SNURF: variants seen among roughly 807,000 people sequenced by gnomAD.
The protein encoded by SNURF is SNURF protein.
A neutral mutation model predicts 11.6 loss-of-function variants in SNURF; 6 were observed. That is an observed-to-expected ratio of 0.52 (90% CI 0.28 to 1.02). The LOEUF is 1.02. Among genes scored for constraint, SNURF ranks in the 50% least tolerant of loss-of-function variants. The pLI is 0.09. For synonymous variants in SNURF, 29 were observed against 31.6 expected (o/e 0.92, Z 0.27); for missense variants, 84 against 88.4 (o/e 0.95, Z 0.20).
At chr15:24,976,994 G>A in exon 6 of SNURF, 1 of 1,597,338 alleles carries the variant, frequency 6.3e-7, no homozygotes, top group Non-Finnish European at 8.5e-7. Flanking sequence ...TGGATTGGCA[G>A]GCCCTGTCCG....
intron 2 of SNURF, among the ~76,000 whole-genome samples, chr15:24,966,567 T>C (rs2075673265): frequency 6.6e-6 from 1 of 152,138 alleles, no homozygotes; most frequent in Non-Finnish European, 1.5e-5. Flanking sequence ...TGATCTTTTG[T>C]GGCCTGGTTA....
At chr15:24,969,131 T>C (rs2076071705), downstream of SNURF, among the ~76,000 whole-genome samples, 1 of 152,086 alleles carries the variant, frequency 6.6e-6, no homozygotes, top group Non-Finnish European at 1.5e-5. Context: ...GAGTTATTAA[T>C]TAATTTATTT....
chr15:24,958,486 GTTTTTTTTTTT>G lies in SNURF; in HGVS notation c.14+3448_14+3458del, dbSNP rs71127030. ...ATTTCTGGATGCTAGCTGGCTCAAAGTTTTTTTTTTTTTTTTTTTTTTTTTTTTTTTTTTAA... is the reference window on the plus strand; with the variant it reads ...ATTTCTGGATGCTAGCTGGCTCAAAGTTTTTTTTTTTTTTTTTTTTTTTAA... On this transcript the variant is annotated intron_variant, in intron 1 of 2. Coordinates refer to ENST00000577949, the Ensembl canonical transcript of SNURF. Among the ~76,000 whole-genome samples the G allele has an allele frequency of 9.8e-4, 64 of 65,302 alleles. 1 individual carries two copies. Among genetic ancestry groups the G allele is most frequent in the South Asian group, 4.0e-3 (4 of 992 alleles). 42.8% of individuals were successfully genotyped at this position (65,302 alleles called of 152,430 possible). A position where few individuals can be genotyped will look rare whatever the true frequency, so the allele number is the denominator to read the frequency against.
intron 1 of SNURF, among the ~76,000 whole-genome samples, chr15:24,955,886 T>C (rs1471178448): frequency 6.6e-6 from 1 of 151,606 alleles, no homozygotes; most frequent in African/African-American, 2.4e-5. Context: ...GGCCTGTCGC[T>C]GTCCGGAGTG....
intron 2 of SNURF, among the ~76,000 whole-genome samples, chr15:24,964,499 G>A (rs943495804): frequency 1.3e-5 from 2 of 151,996 alleles, no homozygotes; most frequent in Admixed American, 1.3e-4. Context: ...TCTCCATGTT[G>A]GTCAGGCTGG....
exon 1 of SNURF, chr15:24,954,998 C>T (rs1040207732): frequency 9.9e-6 from 16 of 1,609,982 alleles, no homozygotes; most frequent in Non-Finnish European, 1.4e-5. Flanking sequence ...CAGAGTGGAG[C>T]GGCCGCCGGA....
chr15:24,974,525 G>A (rs1357529541), intron 3 of SNURF: 2 of 1,442,642 alleles, frequency 1.4e-6, no homozygotes, highest in Non-Finnish European at 2.0e-6. Context: ...TTGCCAGCAT[G>A]TGCAGTGATC....
rs1346968155 is a variant in SNURF, at chr15:24,955,406, C to T, written c.14+344C>T. Among the ~76,000 whole-genome samples the T allele has an allele frequency of 4.0e-5, 6 of 151,876 alleles. No homozygotes were observed. In the South Asian group the frequency reaches 1.3e-3, roughly 32 times the overall value. On this transcript the variant is annotated intron_variant, in intron 1 of 2. Coordinates refer to ENST00000577949, the Ensembl canonical transcript of SNURF. ...CAAGGGACATGGGTGGAGGTGGGTA[C>T]ATCAGGGTGATTGCAGTTCCGTGTG...
intron 1 of SNURF, among the ~76,000 whole-genome samples, chr15:24,961,498 C>T (rs2074803155): frequency 6.6e-6 from 1 of 152,030 alleles, no homozygotes; most frequent in South Asian, 2.1e-4. Context: ...ATGTTCTGTT[C>T]CCTTGAGCAG....
Position 24,962,207 on chromosome 15 carries a change from A to G in SNURF, c.108A>G (p.Gln36=), listed in dbSNP as rs376718476. ...GAAGGACTGCCTCACTGAGCAACCA[A>G]GAGTGAGTACAGACTGTGTTGGGAA... Residue 36 remains glutamine (Q), a splice_region_variant and synonymous_variant, in exon 2 of 3, where the codon CAA becomes CAG. Transcript: ENST00000577949. The G allele has an allele frequency of 5.0e-6, 8 of 1,613,054 alleles. No individual in the cohort carries two copies. The African/African-American group carries it at 9.3e-5, about 19-fold the overall frequency.
intron 6 of SNURF, among the ~76,000 whole-genome samples, chr15:24,977,257 A>G (rs2077164916): frequency 6.6e-6 from 1 of 152,172 alleles, no homozygotes; most frequent in African/African-American, 2.4e-5. Flanking sequence ...ACTTGCCACT[A>G]GTGGTGAGTG....
At chr15:24,972,797 AT>A (rs34096716), downstream of SNURF, among the ~76,000 whole-genome samples, 65,680 of 151,902 alleles carry the variant, frequency 0.43, 15,536 homozygotes, top group African/African-American at 0.63. Flanking sequence ...CATGAGCTGC[AT>A]TAACAATTCC....
intron 1 of SNURF, among the ~76,000 whole-genome samples, chr15:24,956,578 AGTGGGGCGAGAC>A (rs555314066): frequency 1.3e-5 from 2 of 152,188 alleles, no homozygotes; most frequent in Non-Finnish European, 2.9e-5. Context: ...CTCCGCTTGC[AGTGGGGCGAGAC>A]GTGGGGCAGG....
chr15:24,964,840 G>T (rs764936357), intron 2 of SNURF, among the ~76,000 whole-genome samples: 1 of 152,110 alleles, frequency 6.6e-6, no homozygotes, highest in African/African-American at 2.4e-5. Context: ...GTGGGATGAC[G>T]TTAGCCTTCT....
exon 3 of SNURF, chr15:24,968,255 A>G (rs1566966923): frequency 1.9e-6 from 1 of 519,560 alleles, no homozygotes; most frequent in African/African-American, 1.9e-5. Flanking sequence ...CTGCCCTGAC[A>G]CTTTCGTCAT....
chr15:24,964,794 G>C (rs1186032086), intron 2 of SNURF, among the ~76,000 whole-genome samples: 1 of 152,052 alleles, frequency 6.6e-6, no homozygotes, highest in Non-Finnish European at 1.5e-5. Context: ...ACCTCAGTGT[G>C]GACTAAATAA....
chr15:24,957,659 T>C lies in SNURF; in HGVS notation c.14+2597T>C, dbSNP rs560655188. On this transcript the variant is annotated intron_variant, in intron 1 of 2. Transcript: ENST00000577949. ...TAAATCTACGAAGCCCGAAAAGCCT[T>C]GTTCTGGAATAATCTATTTTTGGGT... Among the ~76,000 whole-genome samples the C allele has an allele frequency of 1.6e-3, 250 of 152,296 alleles. 1 individual carries two copies. The highest frequency in any genetic ancestry group is 5.8e-3 in the African/African-American group (243 of 41,564).
At chr15:24,975,715 T>C (rs1338316358) in intron 4 of SNURF, among the ~76,000 whole-genome samples, 1 of 152,220 alleles carries the variant, frequency 6.6e-6, no homozygotes, top group East Asian at 1.9e-4. Context: ...CAATCATGGA[T>C]TTATTACTGG....
rs746827268 is a variant in SNURF, at chr15:24,977,801, C to T, written c.*486C>T. On this transcript the variant is annotated 3_prime_UTR_variant and NMD_transcript_variant, in exon 7 of 7. Transcript: ENST00000580062. ...AGGTAATGACTCCACAGGGAAGAGG[C>T]ACTGTAGCAGCTGCTGCTGTTGCTG... is the stretch of plus-strand genomic sequence containing the variant. 5 of 1,612,480 alleles carry T rather than the reference C, an allele frequency of 3.1e-6. No individual in the cohort carries two copies. In the African/African-American group the frequency reaches 5.3e-5, roughly 17 times the overall value.
Sources: gnomAD v4.1 joint callset for allele counts (sites outside exome capture counted in the v4.1 genomes callset) on GRCh38, gnomAD v4.1.1 for gene constraint, MANE v1.5 for transcripts, NCBI Gene and HGNC (gene_info 2026-07-23, HGNC 2026-07-21) for gene names.